The following ITGA2 variants were observed in gnomAD, a reference collection of about 807,000 sequenced individuals.
The protein encoded by ITGA2 is integrin subunit alpha 2.
In ITGA2, 101 loss-of-function variants were observed where a neutral mutation model predicts 146.3. The ratio of observed to expected loss-of-function variants is 0.69; its 90% CI spans 0.59 to 0.81. ITGA2 has a LOEUF of 0.81. ITGA2 is among the 40% of genes least tolerant of loss of function. ITGA2 has a pLI of 0.00. For synonymous variants in ITGA2, 477 were observed against 487.1 expected, an observed-to-expected ratio of 0.98 and a Z score of 0.27; for missense variants, 1,281 against 1,402.7, an observed-to-expected ratio of 0.91 and a Z score of 1.39.
chr5:53,062,587 A>G (rs974492005), intron 12 of ITGA2, among the ~76,000 whole-genome samples, 199 bp from the exon 13 acceptor site: 8 of 151,912 alleles, frequency 5.3e-5, no homozygotes, highest in Admixed American at 5.3e-4. Context: ...TCTTGTGCAC[A>G]CTAAGATTTA....
chr5:53,018,033 C>G (rs1742481457), intron 1 of ITGA2, among the ~76,000 whole-genome samples: 1 of 152,052 alleles, frequency 6.6e-6, no homozygotes, highest in East Asian at 1.9e-4. Context: ...ATGAGGTGCC[C>G]TAGGAAGCAC....
intron 1 of ITGA2, among the ~76,000 whole-genome samples, chr5:53,016,201 G>A (rs1742393349): frequency 6.6e-6 from 1 of 152,190 alleles, no homozygotes; most frequent in African/African-American, 2.4e-5. Context: ...ACTTAAGTGT[G>A]TTTTTGTGGT....
chr5:52,999,108 T>G (rs1741443642), intron 1 of ITGA2, among the ~76,000 whole-genome samples: 1 of 152,212 alleles, frequency 6.6e-6, no homozygotes, highest in East Asian at 1.9e-4. Context: ...ATATCATTTT[T>G]TCCCCAAACC....
intron 1 of ITGA2, among the ~76,000 whole-genome samples, chr5:53,014,917 G>T (rs1742328168): frequency 6.6e-6 from 1 of 151,952 alleles, no homozygotes; most frequent in Non-Finnish European, 1.5e-5. Flanking sequence ...AGGGTTTTTA[G>T]TATTTCTATG....
In ITGA2 at chr5:53,062,860, A is replaced by G. The variant is rs1473969671; in HGVS notation, c.1533A>G (p.Val511=). The change falls in exon 13 of 30, where the codon GTA becomes GTG. Residue 511 remains valine, a synonymous_variant. Transcript: ENST00000296585. ...DKDTITDVLL[V]GAPMYMSDLK... Reference sequence around the variant, plus strand: ...ACACCATTACAGACGTGCTCTTGGTAGGTGCACCAATGTACATGAGTGACC... The same window carrying G: ...ACACCATTACAGACGTGCTCTTGGTGGGTGCACCAATGTACATGAGTGACC... 6.2e-7 allele frequency: 1 copy of G among 1,611,686 alleles called. No homozygotes were observed.
intron 9 of ITGA2, among the ~76,000 whole-genome samples, chr5:53,056,668 A>G (rs1463123161): frequency 6.6e-6 from 1 of 151,990 alleles, no homozygotes; most frequent in Non-Finnish European, 1.5e-5. Context: ...AAATACAGCA[A>G]AGATTTTTAA....
chr5:53,064,412 T>C (rs1745045394), intron 13 of ITGA2, among the ~76,000 whole-genome samples: 1 of 152,020 alleles, frequency 6.6e-6, no homozygotes, highest in Non-Finnish European at 1.5e-5. Context: ...ATTTATGACC[T>C]TACTGAAATT....
chr5:53,072,126 G>C (rs3212581), intron 18 of ITGA2, 78 bp downstream of exon 18: 1 of 1,008,930 alleles, frequency 9.9e-7, no homozygotes, highest in African/African-American at 1.6e-5. Flanking sequence ...CTGAAGGATG[G>C]TTAGGATGCA....
chr5:53,035,578 T>A (rs1332699853), intron 2 of ITGA2, among the ~76,000 whole-genome samples: 1 of 152,200 alleles, frequency 6.6e-6, no homozygotes, highest in Non-Finnish European at 1.5e-5. Context: ...AATTTAACTA[T>A]TAAATTTATG....
At chr5:53,048,844 A>T (rs1007434133) in intron 6 of ITGA2, 74 bp downstream of exon 6, 2 of 1,521,166 alleles carry the variant, frequency 1.3e-6, no homozygotes, top group East Asian at 2.3e-5. Context: ...ATGAAGTCTT[A>T]ATTTTTGTAT....
chr5:53,001,232 C>G (rs1741568419), intron 1 of ITGA2, among the ~76,000 whole-genome samples: 1 of 152,124 alleles, frequency 6.6e-6, no homozygotes, highest in South Asian at 2.1e-4. Flanking sequence ...TCTATTGAGA[C>G]AATACCCTAG....
Position 53,018,174 on chromosome 5 carries a change from G to A in ITGA2, c.65-8574G>A, listed in dbSNP as rs567677107. On this transcript the variant is annotated intron_variant, in intron 1 of 29. Coordinates refer to ENST00000296585, the MANE Select transcript of ITGA2 (RefSeq NM_002203.4). ...CGGGCAAGACTGCCCTGCTCTGTCC[G>A]GGTCCAACAGTCACCCTAAGGCTAA... Among the ~76,000 whole-genome samples the A allele has an allele frequency of 7.2e-5, 11 of 152,254 alleles. No homozygotes were observed. In the East Asian group the frequency reaches 9.7e-4, roughly 13 times the overall value.
intron 2 of ITGA2, among the ~76,000 whole-genome samples, chr5:53,037,485 C>A (rs887264054): frequency 6.6e-6 from 1 of 152,144 alleles, no homozygotes; most frequent in Non-Finnish European, 1.5e-5. Flanking sequence ...TGTGTCTCTT[C>A]CTGCACGTAA....
chr5:53,042,159 G>T lies in ITGA2; in HGVS notation c.233G>T (p.Gly78Val). ...PWSGFPENRM[G>V]DVYKCPVDLS... ...AGTGGCTTTCCTGAGAACCGAATGG[G>T]AGATGTGTATAAATGTCCTGTTGAC... The change falls in exon 3 of 30, where the codon GGA becomes GTA. Residue 78 changes from glycine to valine, a missense_variant. Coordinates refer to ENST00000296585, the MANE Select transcript of ITGA2 (RefSeq NM_002203.4). 6.2e-7 allele frequency: 1 copy of T among 1,613,476 alleles called. No individual in the cohort carries two copies. Among genetic ancestry groups the T allele is most frequent in the Non-Finnish European group, 8.5e-7 (1 of 1,179,466 alleles).
At chr5:53,086,138 C>A (rs1746148667) in intron 27 of ITGA2, among the ~76,000 whole-genome samples, 1 of 152,050 alleles carries the variant, frequency 6.6e-6, no homozygotes, top group African/African-American at 2.4e-5. Flanking sequence ...AACTCCTGAC[C>A]TCAAGTAATC....
At chr5:53,040,727 G>A (rs533624951) in intron 2 of ITGA2, among the ~76,000 whole-genome samples, 2 of 152,224 alleles carry the variant, frequency 1.3e-5, no homozygotes, top group Non-Finnish European at 2.9e-5. Flanking sequence ...AATTTTATAA[G>A]ATGAACGAGG....
chr5:53,044,896 A>G lies in ITGA2; in HGVS notation c.296-105A>G, dbSNP rs1743999420. On this transcript the variant is annotated intron_variant, in intron 3 of 29. Transcript: ENST00000296585. ...CTCAAGTACCTATATTGATGACACT[A>G]AATTCAATGCTACATGCAAACATGG... The G allele has an allele frequency of 1.0e-5, 8 of 791,828 alleles. No homozygotes were observed. In the South Asian group the frequency reaches 1.0e-4, roughly 10 times the overall value. 49.1% of individuals were successfully genotyped at this position (791,828 alleles called of 1,614,324 possible).
At chr5:53,089,889 C>A in intron 28 of ITGA2, 57 bp from the exon 29 acceptor site, 1 of 1,001,600 alleles carries the variant, frequency 1.0e-6, no homozygotes, top group Non-Finnish European at 1.6e-6. Flanking sequence ...TGGACTAGAC[C>A]ATCTCCCCCC....
chr5:53,079,379 C>T (rs1449366092), intron 24 of ITGA2, among the ~76,000 whole-genome samples: 1 of 152,032 alleles, frequency 6.6e-6, no homozygotes, highest in Non-Finnish European at 1.5e-5. Context: ...CATTTGTATA[C>T]AAATCTGTAC....
Sources: allele counts gnomAD v4.1 joint callset (sites outside exome capture counted in the v4.1 genomes callset), GRCh38; gene constraint gnomAD v4.1.1; transcripts MANE v1.5; gene names NCBI Gene and HGNC (gene_info 2026-07-23, HGNC 2026-07-21).